The following TRIO variants were observed in gnomAD, a reference collection of about 807,000 sequenced individuals.
TRIO encodes triple functional domain protein.
A neutral mutation model predicts 351.9 loss-of-function variants in TRIO; 58 were observed. The ratio of observed to expected loss-of-function variants is 0.16; its 90% CI spans 0.13 to 0.21. The LOEUF is 0.21. Among genes scored for constraint, TRIO ranks in the 10% least tolerant of loss-of-function variants. The probability of loss-of-function intolerance (pLI) is 1.00; values close to 1 mark genes in which losing one functional copy is unlikely to be tolerated. For synonymous variants in TRIO, 1,758 were observed against 1,595.7 expected, an observed-to-expected ratio of 1.10 and a Z score of -2.42; for missense variants, 3,201 against 4,027.8, an observed-to-expected ratio of 0.79 and a Z score of 5.56.
At chr5:14,366,799 G>C (rs1180550977) in intron 15 of TRIO, 61 bp from the exon 16 acceptor site, 8 of 1,608,324 alleles carry the variant, frequency 5.0e-6, no homozygotes, top group Non-Finnish European at 4.2e-6. Flanking sequence ...TCTCACCCCT[G>C]GTGGTCCACA....
At chr5:14,494,695 TC>T (rs757689864) in intron 49 of TRIO, among the ~76,000 whole-genome samples, 7 of 152,038 alleles carry the variant, frequency 4.6e-5, no homozygotes, top group Non-Finnish European at 7.4e-5. Context: ...GGTCAGGAGT[TC>T]GAGACCAGCC....
rs74362731 is a variant in TRIO, at chr5:14,497,575, C to T, written c.8020-272C>T. 0.017 allele frequency among the ~76,000 whole-genome samples: 2,651 copies of T among 152,244 alleles called. 71 individuals are homozygous for T. The highest frequency in any genetic ancestry group is 0.056 in the African/African-American group (2,330 of 41,526). On this transcript the variant is annotated intron_variant, in intron 50 of 56. Transcript: ENST00000344204. This position sits in a 1 kb window ranked among gnomAD's most constrained non-coding sequence, Gnocchi z 4.4. ...GGCGTTGGCGGCTCTGCATTAGGAA[C>T]GCATCTGAGGACCAGCTGGACTCAG... is the stretch of plus-strand genomic sequence containing the variant.
At chr5:14,216,037 C>G (rs1792196692) in intron 1 of TRIO, among the ~76,000 whole-genome samples, 1 of 152,170 alleles carries the variant, frequency 6.6e-6, no homozygotes, top group Non-Finnish European at 1.5e-5. Flanking sequence ...TAGAGGTAAT[C>G]ATGGTATCTA....
intron 1 of TRIO, among the ~76,000 whole-genome samples, chr5:14,161,506 A>T (rs1337615945): frequency 1.3e-5 from 2 of 151,528 alleles, no homozygotes; most frequent in African/African-American, 4.9e-5. Flanking sequence ...TTGTTCCTTC[A>T]CTCGTGAGTT....
chr5:14,322,942 C>A lies in TRIO; in HGVS notation c.1731+6199C>A, dbSNP rs533989473. Among the ~76,000 whole-genome samples the A allele has an allele frequency of 5.3e-5, 8 of 152,222 alleles. No homozygotes were observed. In the East Asian group the frequency reaches 7.8e-4, roughly 15 times the overall value. Reference sequence around the variant, plus strand: ...CCACCTGCTGATCTTCCTGGTGGGTCTAGAGCCAGCTCCTAATTAACCTTC... The same window carrying A: ...CCACCTGCTGATCTTCCTGGTGGGTATAGAGCCAGCTCCTAATTAACCTTC... On this transcript the variant is annotated intron_variant, in intron 9 of 56. Transcript: ENST00000344204.
At chr5:14,385,761 G>A (rs1413707731) in intron 21 of TRIO, among the ~76,000 whole-genome samples, 1 of 152,168 alleles carries the variant, frequency 6.6e-6, no homozygotes, top group Non-Finnish European at 1.5e-5. Flanking sequence ...TATTTTTAAA[G>A]TTCATAGGTT....
chr5:14,409,206 G>C (rs1748975034), intron 33 of TRIO, among the ~76,000 whole-genome samples: 1 of 152,168 alleles, frequency 6.6e-6, no homozygotes, highest in Non-Finnish European at 1.5e-5. Flanking sequence ...TTCCCCAGCG[G>C]CTTGAACAGA....
At position 14,400,978 on chromosome 5, in the gene TRIO, G is replaced by C; in HGVS notation, c.4630G>C (p.Val1544Leu). Residue 1544 changes from valine (V) to leucine (L), a missense_variant, in exon 31 of 57, where the codon GTC becomes CTC. Transcript: ENST00000344204. ...KSKLFTSELG[V>L]TEHVEGDPCK... is the part of the protein sequence containing the mutation. ...TTTTATCCAGACCTCAGAGTTGGGTGTCACAGAACATGTTGAAGGAGACCC... is the reference window on the plus strand; with the variant it reads ...TTTTATCCAGACCTCAGAGTTGGGTCTCACAGAACATGTTGAAGGAGACCC... The C allele has an allele frequency of 6.2e-7, 1 of 1,614,004 alleles. No homozygotes were observed. Among genetic ancestry groups the C allele is most frequent in the East Asian group, 2.2e-5 (1 of 44,876 alleles).
Position 14,508,640 on chromosome 5 carries a change from C to T in TRIO, c.*218C>T, listed in dbSNP as rs751723757. 3.3e-5 allele frequency: 17 copies of T among 517,528 alleles called. No individual in the cohort carries two copies. The highest frequency in any genetic ancestry group is 4.3e-5 in the Non-Finnish European group (13 of 299,000). 32.1% of individuals were successfully genotyped at this position (517,528 alleles called of 1,614,324 possible). A position where few individuals can be genotyped will look rare whatever the true frequency, so the allele number is the denominator to read the frequency against. On this transcript the variant is annotated 3_prime_UTR_variant, in exon 57 of 57. Transcript: ENST00000344204. ...CTTACACTCTGCCCAAGGCAGAGGT[C>T]GCATTGCTGTATCACAGTATTTTAT...
chr5:14,307,454 C>T (rs1342795053), intron 8 of TRIO, among the ~76,000 whole-genome samples: 1 of 152,222 alleles, frequency 6.6e-6, no homozygotes, highest in African/African-American at 2.4e-5. Context: ...AGAGTACAGG[C>T]CTTTCTTTCT....
chr5:14,425,411 A>G (rs1354908246), intron 34 of TRIO, among the ~76,000 whole-genome samples: 1 of 152,226 alleles, frequency 6.6e-6, no homozygotes, highest in Non-Finnish European at 1.5e-5. Flanking sequence ...GCTGAATAGC[A>G]TCCCCTTGTA....
At chr5:14,273,832 C>G (rs557941832) in intron 2 of TRIO, among the ~76,000 whole-genome samples, 1 of 152,324 alleles carries the variant, frequency 6.6e-6, no homozygotes, top group South Asian at 2.1e-4. Flanking sequence ...CGACAACCAC[C>G]AGAATTAAGA....
chr5:14,387,350 CAGAGTT>C, intron 21 of TRIO, 82 bp from the exon 22 acceptor site: 1 of 1,373,918 alleles, frequency 7.3e-7, no homozygotes, highest in Non-Finnish European at 1.0e-6. Context: ...GTTCAGAGCT[CAGAGTT>C]GGAGTCAAGT....
chr5:14,183,149 C>G (rs1202973980), intron 1 of TRIO, among the ~76,000 whole-genome samples: 1 of 152,082 alleles, frequency 6.6e-6, no homozygotes, highest in African/African-American at 2.4e-5. Flanking sequence ...GGGCTAACTC[C>G]TTATCACAGC....
intron 9 of TRIO, among the ~76,000 whole-genome samples, chr5:14,324,349 TAGA>T: frequency 6.6e-6 from 1 of 152,350 alleles, no homozygotes; most frequent in Non-Finnish European, 1.5e-5. Context: ...AGATGTGACT[TAGA>T]AGGGGTTCTC....
intron 9 of TRIO, among the ~76,000 whole-genome samples, chr5:14,323,971 C>T (rs1305595588): frequency 6.6e-6 from 1 of 152,198 alleles, no homozygotes; most frequent in African/African-American, 2.4e-5. Flanking sequence ...TTTAACCGAT[C>T]TGAAATGATG....
chr5:14,433,213 A>G (rs954076647), intron 34 of TRIO, among the ~76,000 whole-genome samples: 18 of 152,244 alleles, frequency 1.2e-4, no homozygotes, highest in African/African-American at 4.3e-4. Flanking sequence ...TAAATAAAGC[A>G]ATGAAAAGGA....
At chr5:14,264,876 C>T (rs1302846762) in intron 1 of TRIO, among the ~76,000 whole-genome samples, 1 of 152,208 alleles carries the variant, frequency 6.6e-6, no homozygotes, top group African/African-American at 2.4e-5. Context: ...ATTTATCACT[C>T]TTCTCTTTGT....
chr5:14,258,490 T>G (rs2152256607), intron 1 of TRIO, among the ~76,000 whole-genome samples: 1 of 152,290 alleles, frequency 6.6e-6, no homozygotes, highest in Middle Eastern at 3.4e-3. Flanking sequence ...GATAAGATAC[T>G]GAGATGTCCT....
Sources: allele counts gnomAD v4.1 joint callset (sites outside exome capture counted in the v4.1 genomes callset), GRCh38; gene constraint gnomAD v4.1.1; non-coding constraint Gnocchi (gnomAD v3.1); transcripts MANE v1.5; gene names NCBI Gene and HGNC (gene_info 2026-07-23, HGNC 2026-07-21).